The following ITPR2 variants were observed in gnomAD, a reference collection of about 807,000 sequenced individuals.
The protein encoded by ITPR2 is inositol 1,4,5-trisphosphate receptor type 2, also known as inositol 1,4,5-trisphosphate-gated calcium channel ITPR2.
A neutral mutation model predicts 317.1 loss-of-function variants in ITPR2; 207 were observed. The ratio of observed to expected loss-of-function variants is 0.65; its 90% CI spans 0.58 to 0.73. The LOEUF is 0.73. Among genes scored for constraint, ITPR2 ranks in the 30% least tolerant of loss-of-function variants. The pLI is 0.00. For missense variants in ITPR2, 2,613 were observed against 3,284.0 expected (o/e 0.80, Z 4.99); for synonymous variants, 1,156 against 1,149.1 (o/e 1.01, Z -0.12).
chr12:26,621,131 G>A lies in ITPR2; in HGVS notation c.3454C>T (p.Pro1152Ser), dbSNP rs1946482818. 1 of 1,611,610 alleles carries A rather than the reference G, an allele frequency of 6.2e-7. No homozygotes were observed. The highest frequency in any genetic ancestry group is 8.5e-7 in the Non-Finnish European group (1 of 1,178,802). The change falls in exon 26 of 57, where the codon CCA (proline) becomes TCA (serine). Residue 1152 changes from proline to serine, a missense_variant. Physicochemically the swap from Pro to Ser is moderately conservative, Grantham distance 74. Transcript: ENST00000381340. Reference protein sequence around the residue: ...GESQVKGGEEPIEESNILSPV... With the variant: ...GESQVKGGEESIEESNILSPV... The stretch of plus-strand genomic sequence containing the variant: ...TAGATCTTGAAACGAACCTCAATTG[G>A]CTCTTCACCACCTTTCACTTGACTT...
chr12:26,464,791 T>G (rs1378802736), intron 45 of ITPR2, among the ~76,000 whole-genome samples: 2 of 152,124 alleles, frequency 1.3e-5, no homozygotes, highest in Non-Finnish European at 2.9e-5. Flanking sequence ...AGGCGTGGTG[T>G]GCCATGGGCA....
In ITPR2 at chr12:26,340,287, G is replaced by C. The variant is rs778938539; in HGVS notation, c.7899C>G (p.Ser2633=). 4.4e-6 allele frequency: 7 copies of C among 1,608,200 alleles called. No individual in the cohort carries two copies. The highest frequency in any genetic ancestry group is 5.1e-6 in the Non-Finnish European group (6 of 1,177,432). Reference sequence around the variant, plus strand: ...CACTGTCGCCTTCATTGCTAACGAGGGACATGGCTCGCATCCGAGGAAACC... The same window carrying C: ...CACTGTCGCCTTCATTGCTAACGAGCGACATGGCTCGCATCCGAGGAAACC... ...LDWFPRMRAM[S]LVSNEGDSEQ... is the part of the protein sequence containing the mutation. The change falls in exon 56 of 57, where the codon TCC becomes TCG. Residue 2633 remains serine (S), a synonymous_variant. Transcript: ENST00000381340.
At chr12:26,635,584 G>T (rs1352628638) in intron 21 of ITPR2, among the ~76,000 whole-genome samples, 1 of 152,126 alleles carries the variant, frequency 6.6e-6, no homozygotes, top group East Asian at 1.9e-4. Context: ...GCCAAAAATG[G>T]ATAATCCAAA....
At chr12:26,620,071 C>G (rs1186486853) in intron 26 of ITPR2, among the ~76,000 whole-genome samples, 1 of 152,192 alleles carries the variant, frequency 6.6e-6, no homozygotes, top group Admixed American at 6.5e-5. Flanking sequence ...ATTCCCACCC[C>G]TCACGGTCCC....
At chr12:26,804,732 T>C (rs1488082576) in intron 1 of ITPR2, among the ~76,000 whole-genome samples, 1 of 152,092 alleles carries the variant, frequency 6.6e-6, no homozygotes, top group Admixed American at 6.6e-5. Context: ...ATTTATTTTA[T>C]TTTTATTTAT....
At chr12:26,628,229 A>C in intron 22 of ITPR2, 67 bp from the exon 23 acceptor site, 1 of 1,241,086 alleles carries the variant, frequency 8.1e-7, no homozygotes, top group South Asian at 1.5e-5. Flanking sequence ...TGCAATTCAC[A>C]ACACACCAAT....
At chr12:26,759,851 G>A (rs1209247021) in intron 2 of ITPR2, among the ~76,000 whole-genome samples, 2 of 152,080 alleles carry the variant, frequency 1.3e-5, no homozygotes, top group African/African-American at 2.4e-5. Context: ...AATCAAATAT[G>A]ATTTCACTGG....
intron 52 of ITPR2, among the ~76,000 whole-genome samples, chr12:26,408,433 T>C (rs1397494754): frequency 1.3e-5 from 2 of 152,232 alleles, no homozygotes. Flanking sequence ...AATAGACCAT[T>C]TGGTTGAGCA....
At chr12:26,526,557 A>C (rs1016596325) in intron 37 of ITPR2, among the ~76,000 whole-genome samples, 1 of 152,204 alleles carries the variant, frequency 6.6e-6, no homozygotes, top group African/African-American at 2.4e-5. Flanking sequence ...TTAAAGAGAA[A>C]CAGAAAAACA....
chr12:26,598,799 C>T (rs765114390), intron 30 of ITPR2, among the ~76,000 whole-genome samples: 1 of 152,176 alleles, frequency 6.6e-6, no homozygotes, highest in Non-Finnish European at 1.5e-5. Flanking sequence ...ACTGGAAAAG[C>T]ACAGTTTAAT....
chr12:26,795,856 G>T (rs374298645), intron 1 of ITPR2, among the ~76,000 whole-genome samples: 1 of 151,990 alleles, frequency 6.6e-6, no homozygotes, highest in African/African-American at 2.4e-5. Context: ...GTGGTGGCAC[G>T]ACCTGTAATC....
At chr12:26,587,003 A>T (rs1011040975) in intron 32 of ITPR2, among the ~76,000 whole-genome samples, 12 of 151,636 alleles carry the variant, frequency 7.9e-5, no homozygotes, top group Non-Finnish European at 1.6e-4. Context: ...CTAATAGGTG[A>T]TAATTTATTA....
At chr12:26,396,197 GA>G (rs549904300) in intron 54 of ITPR2, among the ~76,000 whole-genome samples, 87 of 150,202 alleles carry the variant, frequency 5.8e-4, no homozygotes, top group African/African-American at 1.8e-3. Flanking sequence ...GAGAAAAATA[GA>G]AAAAAAAATA....
chr12:26,589,772 A>G (rs11048598), intron 32 of ITPR2, among the ~76,000 whole-genome samples: 69,174 of 103,338 alleles, frequency 0.67, 24,996 homozygotes, highest in Non-Finnish European at 0.81. Context: ...GAGTGAAAGA[A>G]CGAAACTCTG....
Position 26,475,361 on chromosome 12 carries a change from C to T in ITPR2, c.6277G>A (p.Glu2093Lys). The T allele has an allele frequency of 1.2e-6, 2 of 1,613,764 alleles. No homozygotes were observed. Among genetic ancestry groups the T allele is most frequent in the African/African-American group, 2.7e-5 (2 of 75,018 alleles). The change falls in exon 45 of 57, where the codon GAG (glutamate) becomes AAG (lysine). Residue 2093 changes from glutamate (E) to lysine (K), a missense_variant. Around this residue, in one of 9 missense-constraint regions of ITPR2, gnomAD observed 926 missense variants for 1,072.8 expected, o/e 0.86. Coordinates refer to ENST00000381340, the MANE Select transcript of ITPR2 (RefSeq NM_002223.4). Reference protein sequence around the residue: ...QGLECDHGDDEGGDDGVSPKD... With the variant: ...QGLECDHGDDKGGDDGVSPKD... ...GGAGAAACACCATCATCTCCACCCT[C>T]ATCATCCCCATGGTCACATTCCAAT... is the stretch of plus-strand genomic sequence containing the variant.
chr12:26,626,867 T>C (rs1946633591), intron 23 of ITPR2, among the ~76,000 whole-genome samples: 1 of 152,200 alleles, frequency 6.6e-6, no homozygotes, highest in Non-Finnish European at 1.5e-5. Flanking sequence ...GTACAAATCC[T>C]ATTCTCACGA....
intron 45 of ITPR2, among the ~76,000 whole-genome samples, chr12:26,454,958 A>G (rs1473610178): frequency 2.0e-5 from 3 of 152,188 alleles, no homozygotes; most frequent in Admixed American, 1.3e-4. Context: ...GAAGAGCACA[A>G]TCTTACTATT....
chr12:26,463,526 G>A (rs937822596), intron 45 of ITPR2, among the ~76,000 whole-genome samples: 2 of 151,972 alleles, frequency 1.3e-5, no homozygotes, highest in Non-Finnish European at 2.9e-5. Flanking sequence ...TTAGCCGGTC[G>A]TGGTGGCATG....
At chr12:26,508,470 C>T (rs1943246576) in intron 37 of ITPR2, among the ~76,000 whole-genome samples, 1 of 152,022 alleles carries the variant, frequency 6.6e-6, no homozygotes, top group Non-Finnish European at 1.5e-5. Context: ...CTATATGTAG[C>T]CCAATTCACT....
Sources: gnomAD v4.1 joint callset for allele counts (sites outside exome capture counted in the v4.1 genomes callset) on GRCh38, gnomAD v4.1.1 for gene constraint, gnomAD v4.1.1 regional missense constraint, MANE v1.5 for transcripts, NCBI Gene and HGNC (gene_info 2026-07-23, HGNC 2026-07-21) for gene names.